PCBP3: variants seen among roughly 807,000 people sequenced by gnomAD.
PCBP3 encodes the protein poly(rC) binding protein 3.
In PCBP3, 25 loss-of-function variants were observed where a neutral mutation model predicts 52.7. The ratio of observed to expected loss-of-function variants is 0.47; its 90% CI spans 0.35 to 0.66. PCBP3 has a LOEUF of 0.66. PCBP3 is among the 30% of genes least tolerant of loss of function. The pLI, the probability that PCBP3 is intolerant of heterozygous loss-of-function variation, is 0.01. For missense variants in PCBP3, 391 were observed against 490.3 expected (o/e 0.80, Z 1.91); for synonymous variants, 162 against 183.0 (o/e 0.89, Z 0.93).
chr21:45,867,077 G>A (rs1440647728), intron 5 of PCBP3, among the ~76,000 whole-genome samples: 1 of 152,218 alleles, frequency 6.6e-6, no homozygotes, highest in Non-Finnish European at 1.5e-5. Context: ...TCAAAAACAC[G>A]GTTTAGTACT....
At chr21:45,808,451 C>G (rs1455500240) in intron 4 of PCBP3, among the ~76,000 whole-genome samples, 1 of 152,200 alleles carries the variant, frequency 6.6e-6, no homozygotes, top group African/African-American at 2.4e-5. Context: ...CTAATCATCA[C>G]TGGTCATTAG....
intron 3 of PCBP3, chr21:45,749,269 T>C (rs1357415023): frequency 6.6e-6 from 1 of 152,136 alleles, no homozygotes; most frequent in Non-Finnish European, 1.5e-5. Context: ...TCTCAAGTAC[T>C]CATGGTCAAA....
rs998331644 is a variant in PCBP3, at chr21:45,802,714, G to T, written c.-125-47247G>T. On this transcript the variant is annotated intron_variant, in intron 4 of 17. Transcript: ENST00000681687. This position sits in a 1 kb window ranked among gnomAD's most constrained non-coding sequence, Gnocchi z 5.1. ...AGGAGAGGCCCTGAGGGAGGCAGGA[G>T]CAGGAGGGGCATCGTGTCCCCAAGG... is the stretch of plus-strand genomic sequence containing the variant. Among the ~76,000 whole-genome samples the T allele has an allele frequency of 6.6e-6, 1 of 152,152 alleles. No individual in the cohort carries two copies. The highest frequency in any genetic ancestry group is 1.5e-5 in the Non-Finnish European group (1 of 68,040).
chr21:45,771,720 C>T (rs2089881010), intron 4 of PCBP3, among the ~76,000 whole-genome samples: 1 of 141,102 alleles, frequency 7.1e-6, no homozygotes, highest in Non-Finnish European at 1.6e-5. Flanking sequence ...AACCTGCTCT[C>T]ATCTCTTCTA....
At chr21:45,650,510 G>T (rs1476202250) in intron 1 of PCBP3, among the ~76,000 whole-genome samples, 1 of 152,006 alleles carries the variant, frequency 6.6e-6, no homozygotes, top group Non-Finnish European at 1.5e-5. Context: ...GAGTGTAGTG[G>T]TGCTATCATA....
chr21:45,938,069 G>C (rs1056916612), intron 16 of PCBP3, among the ~76,000 whole-genome samples: 2 of 152,198 alleles, frequency 1.3e-5, no homozygotes, highest in African/African-American at 4.8e-5. Context: ...AGAGCAGGAG[G>C]GGGATGCGTG....
chr21:45,697,424 A>G (rs1442930748), intron 2 of PCBP3, among the ~76,000 whole-genome samples: 2 of 152,232 alleles, frequency 1.3e-5, no homozygotes, highest in Non-Finnish European at 2.9e-5. Flanking sequence ...AAACTTTTCC[A>G]TCTTAATCAT....
At chr21:45,846,780 G>GCTGGAC (rs2093823100) in intron 4 of PCBP3, among the ~76,000 whole-genome samples, 1 of 152,206 alleles carries the variant, frequency 6.6e-6, no homozygotes, top group Non-Finnish European at 1.5e-5. Context: ...TTGAGGTGAG[G>GCTGGAC]CTGGACCTTG....
intron 2 of PCBP3, among the ~76,000 whole-genome samples, chr21:45,726,076 C>T (rs117850867): frequency 0.02 from 2,977 of 152,102 alleles, 38 homozygotes; most frequent in Middle Eastern, 0.044. Context: ...GTGGTTAGGC[C>T]TGCTGAGATG....
Position 45,913,952 on chromosome 21 carries a change from C to A in PCBP3, c.602C>A (p.Ser201Tyr). 1 of 1,610,710 alleles carries A rather than the reference C, an allele frequency of 6.2e-7. No homozygotes were observed. The highest frequency in any genetic ancestry group is 1.3e-5 in the African/African-American group (1 of 74,990). ...VKQICVVMLESPPKGATIPYR... is the reference protein window; with the variant it reads ...VKQICVVMLEYPPKGATIPYR... ...TCCCTCTCCTGTCCCTTTTCCTAGT[C>A]CCCACCGAAAGGTGCCACCATTCCC... Residue 201 changes from serine to tyrosine, a missense_variant and splice_region_variant, in exon 12 of 18, where the codon TCC becomes TAC. Transcript: ENST00000681687.
chr21:45,896,066 G>T lies in PCBP3; in HGVS notation c.11-142G>T, dbSNP rs997811932. 4.2e-6 allele frequency: 3 copies of T among 719,470 alleles called. No homozygotes were observed. The African/African-American group carries it at 5.3e-5, about 13-fold the overall frequency. 44.6% of individuals were successfully genotyped at this position (719,470 alleles called of 1,614,324 possible). ...CCCGTGCACCCTGTGCCCAGCAGGC[G>T]AGGCCTGGTCAGCACATGGTGGGTG... is the stretch of plus-strand genomic sequence containing the variant. On this transcript the variant is annotated intron_variant, in intron 5 of 17. Transcript: ENST00000681687.
intron 4 of PCBP3, among the ~76,000 whole-genome samples, chr21:45,811,912 C>A (rs1268180675): frequency 1.3e-5 from 2 of 151,972 alleles, no homozygotes; most frequent in Admixed American, 1.3e-4. Flanking sequence ...TTTTAATTGT[C>A]CCTCTCTTCT....
intron 2 of PCBP3, among the ~76,000 whole-genome samples, chr21:45,699,704 A>G (rs2082990429): frequency 6.6e-6 from 1 of 152,180 alleles, no homozygotes; most frequent in African/African-American, 2.4e-5. Context: ...ATGGCAACAG[A>G]CAAGAGAAGA....
In PCBP3 at chr21:45,704,966, C is replaced by A. The variant is rs2083357299; in HGVS notation, c.-199-30426C>A. Among the ~76,000 whole-genome samples, 1 of 152,182 alleles carries A rather than the reference C, an allele frequency of 6.6e-6. No homozygotes were observed. The highest frequency in any genetic ancestry group is 6.5e-5 in the Admixed American group (1 of 15,284). ...TTTCTACCATTAGCCTCCACAGAGCCCATCTTGGGGAGGTGTGCCTCTTTT... is the reference window on the plus strand; with the variant it reads ...TTTCTACCATTAGCCTCCACAGAGCACATCTTGGGGAGGTGTGCCTCTTTT... On this transcript the variant is annotated intron_variant, in intron 2 of 17. Coordinates refer to ENST00000681687, the MANE Select transcript of PCBP3 (RefSeq NM_001384156.1). This position sits in a 1 kb window ranked among gnomAD's most constrained non-coding sequence, Gnocchi z 4.1.
intron 1 of PCBP3, among the ~76,000 whole-genome samples, chr21:45,663,340 G>A (rs1164512743): frequency 1.3e-5 from 2 of 151,912 alleles, no homozygotes; most frequent in Non-Finnish European, 2.9e-5. Flanking sequence ...GCCACTACTG[G>A]TGTCCGCGTC....
At chr21:45,748,338 A>T (rs150291586) in intron 3 of PCBP3, among the ~76,000 whole-genome samples, 1 of 152,284 alleles carries the variant, frequency 6.6e-6, no homozygotes, top group African/African-American at 2.4e-5. Flanking sequence ...TGTAGGGTTC[A>T]TGCCTTTGCG....
At chr21:45,907,428 G>A (rs1211843517) in intron 9 of PCBP3, among the ~76,000 whole-genome samples, 1 of 152,242 alleles carries the variant, frequency 6.6e-6, no homozygotes, top group East Asian at 1.9e-4. Context: ...GGTAGAGACA[G>A]TCGAGGTTGT....
chr21:45,798,055 G>A (rs1325501448), intron 4 of PCBP3, among the ~76,000 whole-genome samples: 2 of 135,542 alleles, frequency 1.5e-5, no homozygotes, highest in East Asian at 2.2e-4. Flanking sequence ...CGTAGAGAGA[G>A]TGAATGGATG....
At chr21:45,747,413 C>T (rs879438465) in intron 3 of PCBP3, among the ~76,000 whole-genome samples, 2 of 152,208 alleles carry the variant, frequency 1.3e-5, no homozygotes, top group Admixed American at 1.3e-4. Flanking sequence ...GAGAGGAGCA[C>T]CAGGCCGCGG....
Sources: gnomAD v4.1 joint callset for allele counts (sites outside exome capture counted in the v4.1 genomes callset) on GRCh38, gnomAD v4.1.1 for gene constraint, Gnocchi (gnomAD v3.1) non-coding constraint, MANE v1.5 for transcripts, NCBI Gene and HGNC (gene_info 2026-07-23, HGNC 2026-07-21) for gene names.